The following CCSER1 variants were observed in gnomAD, a reference collection of about 807,000 sequenced individuals.
The protein encoded by CCSER1 is coiled-coil serine rich protein 1.
Under a neutral mutation model 82.0 loss-of-function variants are expected in CCSER1, and 41 were observed. The observed-to-expected ratio is 0.50, with a 90% CI of 0.39 to 0.65. The LOEUF (loss-of-function observed/expected upper bound fraction) is 0.65. Ranked by LOEUF, CCSER1 falls within the 30% of genes least tolerant of loss-of-function variation. CCSER1 has a pLI of 0.00. For missense variants in CCSER1, 1,119 were observed against 1,064.2 expected, an observed-to-expected ratio of 1.05 and a Z score of -0.72; for synonymous variants, 414 against 383.9, an observed-to-expected ratio of 1.08 and a Z score of -0.92.
intron 4 of CCSER1, among the ~76,000 whole-genome samples, chr4:90,447,383 C>G (rs17827539): frequency 0.021 from 3,174 of 151,846 alleles, 46 homozygotes; most frequent in Middle Eastern, 0.041. Flanking sequence ...CATTCTCTTA[C>G]TAGAACTTGA....
chr4:90,178,786 G>A (rs1460799117), intron 1 of CCSER1, among the ~76,000 whole-genome samples: 1 of 152,120 alleles, frequency 6.6e-6, no homozygotes, highest in African/African-American at 2.4e-5. Flanking sequence ...CTCCTAAGGC[G>A]AGAAGTTTGT....
intron 9 of CCSER1, among the ~76,000 whole-genome samples, chr4:90,956,722 T>C (rs1192972857): frequency 6.6e-6 from 1 of 151,920 alleles, no homozygotes; most frequent in Non-Finnish European, 1.5e-5. Flanking sequence ...CCAGGAAGTA[T>C]GAAGGCAGAA....
chr4:91,353,593 C>T (rs1748626133), intron 10 of CCSER1, among the ~76,000 whole-genome samples: 1 of 152,236 alleles, frequency 6.6e-6, no homozygotes, highest in African/African-American at 2.4e-5. Flanking sequence ...CTCTCTCTTT[C>T]CTCCTTTCCC....
At chr4:90,854,974 T>C (rs970029783) in intron 8 of CCSER1, among the ~76,000 whole-genome samples, 2 of 148,446 alleles carry the variant, frequency 1.3e-5, no homozygotes, top group African/African-American at 2.5e-5. Flanking sequence ...CTTCTTCACA[T>C]AGTGGCACGA....
chr4:91,579,322 A>C (rs1763615683), intron 10 of CCSER1, among the ~76,000 whole-genome samples: 1 of 151,506 alleles, frequency 6.6e-6, no homozygotes, highest in Non-Finnish European at 1.5e-5. Flanking sequence ...CTCCTAGTGT[A>C]CCCATCACCC....
Position 90,149,219 on chromosome 4 carries a change from G to A in CCSER1, c.-42+21388G>A, listed in dbSNP as rs530800800. ...GATGAGGATATGGAAGGATAGATAT[G>A]CTGAGTAAATAGCCCAAGTTCAAAG... On this transcript the variant is annotated intron_variant, in intron 1 of 10. Coordinates refer to ENST00000509176, the MANE Select transcript of CCSER1 (RefSeq NM_001145065.2). 6.6e-5 allele frequency among the ~76,000 whole-genome samples: 10 copies of A among 152,152 alleles called. No individual in the cohort carries two copies. In the South Asian group the frequency reaches 1.9e-3, roughly 28 times the overall value.
intron 10 of CCSER1, among the ~76,000 whole-genome samples, chr4:91,178,988 C>G (rs1197017113): frequency 6.6e-6 from 1 of 152,180 alleles, no homozygotes; most frequent in Non-Finnish European, 1.5e-5. Context: ...TCTTGCAAGG[C>G]AGGCCTGGTG....
intron 3 of CCSER1, among the ~76,000 whole-genome samples, chr4:90,337,708 T>C (rs1488457251): frequency 6.6e-6 from 1 of 152,058 alleles, no homozygotes; most frequent in African/African-American, 2.4e-5. Flanking sequence ...TATCAATTAA[T>C]ACTTACCTAA....
chr4:90,524,115 G>T (rs570413248), intron 5 of CCSER1, among the ~76,000 whole-genome samples: 2 of 152,220 alleles, frequency 1.3e-5, no homozygotes, highest in South Asian at 4.1e-4. Context: ...GGACAAAATT[G>T]GGGAGAAATT....
chr4:91,424,001 CTTTTTTT>C (rs1167472932), intron 10 of CCSER1, among the ~76,000 whole-genome samples: 1 of 77,454 alleles, frequency 1.3e-5, no homozygotes, highest in Non-Finnish European at 2.3e-5. Context: ...CTCAGCAGAT[CTTTTTTT>C]TTTTTTTTTT....
chr4:91,536,343 C>T (rs7696964), intron 10 of CCSER1, among the ~76,000 whole-genome samples: 104,888 of 151,940 alleles, frequency 0.69, 37,042 homozygotes, highest in African/African-American at 0.85. Flanking sequence ...GTATTTAGAT[C>T]ATGTTTAGCT....
At chr4:90,933,132 A>AGTGT (rs536402295) in intron 9 of CCSER1, among the ~76,000 whole-genome samples, 3,729 of 70,144 alleles carry the variant, frequency 0.053, 238 homozygotes, top group Non-Finnish European at 0.057. Context: ...GTTACCTAGA[A>AGTGT]GTGTGTGTGT....
intron 5 of CCSER1, among the ~76,000 whole-genome samples, chr4:90,472,505 AAACT>A (rs911757584): frequency 6.6e-6 from 1 of 152,184 alleles, no homozygotes; most frequent in African/African-American, 2.4e-5. Flanking sequence ...TGATAGGGAG[AAACT>A]AACTAAATCG....
At chr4:90,946,636 A>AG (rs1182867633) in intron 9 of CCSER1, among the ~76,000 whole-genome samples, 121 of 129,458 alleles carry the variant, frequency 9.3e-4, no homozygotes, top group African/African-American at 3.0e-3. Flanking sequence ...AAAAAAAAAA[A>AG]AAAAGAGATT....
At chr4:91,192,632 C>T (rs1437283630) in intron 10 of CCSER1, among the ~76,000 whole-genome samples, 1 of 151,984 alleles carries the variant, frequency 6.6e-6, no homozygotes, top group South Asian at 2.1e-4. Context: ...TGCCCCTCTC[C>T]TTGGAAGAAC....
intron 10 of CCSER1, among the ~76,000 whole-genome samples, chr4:91,463,126 T>A (rs1756611674): frequency 6.6e-6 from 1 of 152,044 alleles, no homozygotes; most frequent in Non-Finnish European, 1.5e-5. Context: ...GTAGACTGAC[T>A]CCCCACATGG....
At chr4:90,855,300 G>A (rs949064632) in intron 8 of CCSER1, among the ~76,000 whole-genome samples, 4 of 152,134 alleles carry the variant, frequency 2.6e-5, no homozygotes, top group South Asian at 2.1e-4. Flanking sequence ...ACTACCATTA[G>A]TGGAGACTAG....
At chr4:91,160,890 G>A (rs1048780071) in intron 10 of CCSER1, among the ~76,000 whole-genome samples, 5 of 152,200 alleles carry the variant, frequency 3.3e-5, no homozygotes, top group African/African-American at 1.2e-4. Context: ...TTGCTGTGCA[G>A]GAGCCCTTTA....
intron 1 of CCSER1, among the ~76,000 whole-genome samples, chr4:90,195,630 G>C (rs762371949): frequency 6.6e-6 from 1 of 152,056 alleles, no homozygotes; most frequent in Admixed American, 6.6e-5. Flanking sequence ...TGTAAATGTA[G>C]GCTGTGCATG....
Sources: allele counts gnomAD v4.1 joint callset (sites outside exome capture counted in the v4.1 genomes callset), GRCh38; gene constraint gnomAD v4.1.1; transcripts MANE v1.5; gene names NCBI Gene and HGNC (gene_info 2026-07-23, HGNC 2026-07-21).